TCP1: variants seen among roughly 807,000 people sequenced by gnomAD.
TCP1 encodes the protein T-complex protein 1 subunit alpha.
A neutral mutation model predicts 54.7 loss-of-function variants in TCP1; 6 were observed. The ratio of observed to expected loss-of-function variants is 0.11; its 90% CI spans 0.06 to 0.22. TCP1 has a LOEUF of 0.22. TCP1 is among the 10% of genes least tolerant of loss of function. The probability of loss-of-function intolerance (pLI) is 1.00; values close to 1 mark genes in which losing one functional copy is unlikely to be tolerated. For missense variants in TCP1, 511 were observed against 678.2 expected (o/e 0.75, Z 2.74); for synonymous variants, 225 against 229.7 (o/e 0.98, Z 0.19).
chr6:159,788,748 T>A (rs1277202253), intron 1 of TCP1: 1 of 152,950 alleles, frequency 6.5e-6, no homozygotes, highest in East Asian at 1.9e-4. Flanking sequence ...CTTTCAGATT[T>A]GTTTACGAAA....
chr6:159,784,023 A>G lies in TCP1; in HGVS notation c.715T>C (p.Phe239Leu), dbSNP rs146773144. Residue 239 changes from phenylalanine to leucine, a missense_variant, in exon 7 of 12, where the codon TTC becomes CTC. Around this residue, in one of 5 missense-constraint regions of TCP1, gnomAD observed 305 missense variants for 352.8 expected, o/e 0.86. Coordinates refer to ENST00000321394, the MANE Select transcript of TCP1 (RefSeq NM_030752.3). ...TTCATTTTTGTTTTTTGCAGGCTGAAGTCAAGGCAAGCAATTTTTGCATTT... is the reference window on the plus strand; with the variant it reads ...TTCATTTTTGTTTTTTGCAGGCTGAGGTCAAGGCAAGCAATTTTTGCATTT... ...IVNAKIACLD[F>L]SLQKTKMKLG... 25 of 1,613,750 alleles carry G rather than the reference A, an allele frequency of 1.5e-5. No individual in the cohort carries two copies. Among genetic ancestry groups the G allele is most frequent in the Non-Finnish European group, 1.9e-5 (23 of 1,179,958 alleles).
At chr6:159,785,535 C>T (rs1420411095) in intron 4 of TCP1, 39 bp from the exon 5 acceptor site, 1 of 1,471,168 alleles carries the variant, frequency 6.8e-7, no homozygotes, top group Non-Finnish European at 9.5e-7. Flanking sequence ...CTTATAAAGT[C>T]ACTACTCAAA....
At position 159,784,708 on chromosome 6, in the gene TCP1, G is replaced by A. The variant is rs1310669466; in HGVS notation, c.628C>T (p.Leu210Phe). Residue 210 changes from leucine (L) to phenylalanine (F), a missense_variant, in exon 6 of 12, where the codon CTC (leucine) becomes TTC (phenylalanine). Leu to Phe is a conservative substitution (Grantham distance 22). Coordinates refer to ENST00000321394, the MANE Select transcript of TCP1 (RefSeq NM_030752.3). Reference sequence around the variant, plus strand: ...CAGTTGAGTGCATAGCCACTGATGAGCATACTCTCCATTTGACTTCTCCCA... The same window carrying A: ...CAGTTGAGTGCATAGCCACTGATGAACATACTCTCCATTTGACTTCTCCCA... ...AHGRSQMESM[L>F]ISGYALNCVV... is the part of the protein sequence containing the mutation. 3 of 1,614,016 alleles carry A rather than the reference G, an allele frequency of 1.9e-6. No individual in the cohort carries two copies. Among genetic ancestry groups the A allele is most frequent in the Non-Finnish European group, 2.5e-6 (3 of 1,180,016 alleles).
At chr6:159,782,691 T>C (rs1017373430) in intron 7 of TCP1, among the ~76,000 whole-genome samples, 2 of 152,216 alleles carry the variant, frequency 1.3e-5, no homozygotes, top group Non-Finnish European at 2.9e-5. Flanking sequence ...TTTGAGATGC[T>C]TGAAAAGCAT....
At chr6:159,783,228 T>C (rs1780616282) in intron 7 of TCP1, among the ~76,000 whole-genome samples, 1 of 152,128 alleles carries the variant, frequency 6.6e-6, no homozygotes, top group Admixed American at 6.5e-5. Flanking sequence ...GAACACTTAC[T>C]GTAGAGGGAC....
In TCP1 at chr6:159,787,078, T is replaced by TAAAAA. The variant is rs76955548; in HGVS notation, c.279+660_279+664dup. 2.2e-4 allele frequency among the ~76,000 whole-genome samples: 30 copies of TAAAAA among 133,608 alleles called. 3 individuals carry two copies. The highest frequency in any genetic ancestry group is 5.4e-4 in the Admixed American group (7 of 13,012). 87.7% of individuals were successfully genotyped at this position (133,608 alleles called of 152,430 possible). A position where few individuals can be genotyped will look rare whatever the true frequency, so the allele number is the denominator to read the frequency against. On this transcript the variant is annotated intron_variant, in intron 3 of 11. Transcript: ENST00000321394. Reference sequence around the variant, plus strand: ...GGCAACATAGCGAGACCCTGTCTCTTAAAAAAAAAAAAAAGAGGTTTTTAA... The same window carrying TAAAAA: ...GGCAACATAGCGAGACCCTGTCTCTTAAAAAAAAAAAAAAAAAAAGAGGTTTTTAA...
intron 1 of TCP1, chr6:159,788,386 G>C: frequency 2.3e-6 from 1 of 440,298 alleles, no homozygotes; most frequent in South Asian, 2.4e-5. Flanking sequence ...CCAGGAGTTT[G>C]AGACCCCTTT....
chr6:159,785,727 T>A, intron 4 of TCP1, 173 bp downstream of exon 4: 3 of 788,540 alleles, frequency 3.8e-6, no homozygotes, highest in South Asian at 1.4e-5. Flanking sequence ...GGTAGTCAAA[T>A]GAGAAAAAAG....
rs991601274 is a variant in TCP1 at position 159,789,591 on chromosome 6, C to T, written c.-123G>A. 4.9e-6 allele frequency: 6 copies of T among 1,220,942 alleles called. No individual in the cohort carries two copies. Among genetic ancestry groups the T allele is most frequent in the Non-Finnish European group, 7.1e-6 (6 of 850,214 alleles). The allele number at this position is 1,220,942 out of a possible 1,614,324, so 75.6% of individuals were successfully genotyped here. ...GCGTGGAGCGTACCCGAGCGATGTC[C>T]CAGGAGCTACTGGGTAACACACCAC... is the stretch of plus-strand genomic sequence containing the variant. On this transcript the variant is annotated 5_prime_UTR_variant, in exon 1 of 12. Transcript: ENST00000321394.
intron 3 of TCP1, 34 bp from the exon 4 acceptor site, chr6:159,786,031 C>A: frequency 6.5e-7 from 1 of 1,544,940 alleles, no homozygotes; most frequent in South Asian, 1.1e-5. Context: ...CTGAGTGTGC[C>A]GGATATTCAA....
chr6:159,782,835 A>G (rs947293641), intron 7 of TCP1, among the ~76,000 whole-genome samples: 2 of 152,234 alleles, frequency 1.3e-5, no homozygotes, highest in African/African-American at 4.8e-5. Flanking sequence ...GTCCAGACAA[A>G]GCAGCATCAC....
In TCP1 at chr6:159,789,552, C is replaced by G; in HGVS notation, c.-84G>C. 1 of 1,524,058 alleles carries G rather than the reference C, an allele frequency of 6.6e-7. No individual in the cohort carries two copies. Among genetic ancestry groups the G allele is most frequent in the Non-Finnish European group, 9.0e-7 (1 of 1,109,402 alleles). The allele number at this position is 1,524,058 out of a possible 1,614,324, so 94.4% of individuals were successfully genotyped here. A position where few individuals can be genotyped will look rare whatever the true frequency, so the allele number is the denominator to read the frequency against. ...CCCCTCGGCCGACCGGCGACCACAG[C>G]AGTGGCTGCGACGGCGTGGAGCGTA... On this transcript the variant is annotated 5_prime_UTR_variant, in exon 1 of 12. Transcript: ENST00000321394.
intron 5 of TCP1, 45 bp from the exon 6 acceptor site, chr6:159,784,892 G>T: frequency 6.3e-7 from 1 of 1,585,718 alleles, no homozygotes; most frequent in East Asian, 2.2e-5. Context: ...AATGGACAAA[G>T]GGTACACACG....
chr6:159,785,502 TA>T lies in TCP1; in HGVS notation c.378-7del. On this transcript the variant is annotated splice_region_variant and splice_polypyrimidine_tract_variant and intron_variant, in intron 4 of 11. Coordinates refer to ENST00000321394, the MANE Select transcript of TCP1 (RefSeq NM_030752.3). ...TGATATAACGCACTGCTTCCCTGTT[TA>T]AAAGTGTGGGGGAGAAAAACGCTTA... 6.2e-7 allele frequency: 1 copy of T among 1,607,350 alleles called. No individual in the cohort carries two copies. Among genetic ancestry groups the T allele is most frequent in the Non-Finnish European group, 8.5e-7 (1 of 1,174,514 alleles).
At chr6:159,786,586 T>A (rs993484846) in intron 3 of TCP1, among the ~76,000 whole-genome samples, 1 of 152,212 alleles carries the variant, frequency 6.6e-6, no homozygotes, top group Admixed American at 6.5e-5. Flanking sequence ...GATAAAACAC[T>A]AAGAAATATT....
chr6:159,788,200 G>T, intron 1 of TCP1, 57 bp from the exon 2 acceptor site: 1 of 1,519,142 alleles, frequency 6.6e-7, no homozygotes, highest in South Asian at 1.1e-5. Flanking sequence ...AACTCTGAAA[G>T]ACAGTAATTT....
At position 159,778,779 on chromosome 6, in the gene TCP1, C is replaced by T. The variant is rs1780495859; in HGVS notation, c.*266G>A. ...GGGCAGAAGTCGTGGTGTTGCAGCCCTGTGCATTGGGGGTGGGATGGGAAT... is the reference window on the plus strand; with the variant it reads ...GGGCAGAAGTCGTGGTGTTGCAGCCTTGTGCATTGGGGGTGGGATGGGAAT... On this transcript the variant is annotated 3_prime_UTR_variant, in exon 12 of 12. Coordinates refer to ENST00000321394, the MANE Select transcript of TCP1 (RefSeq NM_030752.3). 1 of 1,614,090 alleles carries T rather than the reference C, an allele frequency of 6.2e-7. No homozygotes were observed. Among genetic ancestry groups the T allele is most frequent in the Non-Finnish European group, 8.5e-7 (1 of 1,180,042 alleles).
chr6:159,779,738 A>G lies in TCP1; in HGVS notation c.1343T>C (p.Ile448Thr). The stretch of plus-strand genomic sequence containing the variant: ...AGCATTAACTGCTAGTGTATTGGGA[A>G]TAACAAGAAGTGATCTTGCAAACTC... Reference protein sequence around the residue: ...IAEFARSLLVIPNTLAVNAAQ... With the variant: ...IAEFARSLLVTPNTLAVNAAQ... Residue 448 changes from isoleucine to threonine, a missense_variant, in exon 11 of 12, where the codon ATT becomes ACT. Ile to Thr is a moderately conservative substitution (Grantham distance 89). Around this residue, in one of 5 missense-constraint regions of TCP1, gnomAD observed 88 missense variants for 153.1 expected, o/e 0.57. Coordinates refer to ENST00000321394, the MANE Select transcript of TCP1 (RefSeq NM_030752.3). 6.2e-7 allele frequency: 1 copy of G among 1,612,282 alleles called. No homozygotes were observed. The highest frequency in any genetic ancestry group is 8.5e-7 in the Non-Finnish European group (1 of 1,179,562).
chr6:159,787,051 T>C (rs1478267892), intron 3 of TCP1, among the ~76,000 whole-genome samples: 1 of 140,958 alleles, frequency 7.1e-6, no homozygotes, highest in African/African-American at 2.6e-5. Flanking sequence ...AAGACCAGCC[T>C]GGGCAACATA....
Sources: allele counts gnomAD v4.1 joint callset (sites outside exome capture counted in the v4.1 genomes callset), GRCh38; gene constraint gnomAD v4.1.1; regional missense constraint gnomAD v4.1.1; transcripts MANE v1.5; gene names NCBI Gene and HGNC (gene_info 2026-07-23, HGNC 2026-07-21).